The following LARGE1 variants were observed in gnomAD, a reference collection of about 807,000 sequenced individuals.
The protein encoded by LARGE1 is xylosyl- and glucuronyltransferase LARGE1.
In LARGE1, 43 loss-of-function variants were observed where a neutral mutation model predicts 87.6. The ratio of observed to expected loss-of-function variants is 0.49; its 90% confidence interval spans 0.38 to 0.63. The LOEUF is 0.63. Among genes scored for constraint, LARGE1 ranks in the 30% least tolerant of loss-of-function variants. The pLI is 0.00. For missense variants in LARGE1, 802 were observed against 1,000.2 expected, an observed-to-expected ratio of 0.80 and a Z score of 2.67; for synonymous variants, 434 against 394.6, an observed-to-expected ratio of 1.10 and a Z score of -1.18.
rs1311754777 is a variant in LARGE1 at position 33,458,353 on chromosome 22, CTT to C, written c.788-26090_788-26089del. On this transcript the variant is annotated intron_variant, in intron 6 of 14. Transcript: ENST00000397394. ...TCTCCTGACCTCATGATCCGCCCGC[CTT>C]GGCCTCCCAAAGTGCTGGGATTACA... Among the ~76,000 whole-genome samples the C allele has an allele frequency of 2.0e-4, 31 of 152,296 alleles. No individual in the cohort carries two copies. In the East Asian group the frequency reaches 5.6e-3, roughly 28 times the overall value.
In LARGE1 at chr22:33,754,583, G is replaced by A. The variant is rs139125822; in HGVS notation, c.106+6788C>T. Among the ~76,000 whole-genome samples, 180 of 152,188 alleles carry A rather than the reference G, an allele frequency of 1.2e-3. 6 individuals carry two copies. In the East Asian group the frequency reaches 0.032, roughly 27 times the overall value. ...GATCTCCTGACCTTGTGATCTGCCC[G>A]CCTCAGCCTCCCAAAGTGCTGGGAT... On this transcript the variant is annotated intron_variant, in intron 2 of 14. Coordinates refer to ENST00000397394, the MANE Select transcript of LARGE1 (RefSeq NM_133642.5).
In LARGE1 at chr22:33,283,085, C is replaced by T. The variant is rs539878007; in HGVS notation, c.1877+117G>A. ...CTGGAGAAAGCGGTGCTTTCCTGGC[C>T]TCACAATGGACTAAGGCGAGCGACA... On this transcript the variant is annotated intron_variant, in intron 13 of 14. Coordinates refer to ENST00000397394, the MANE Select transcript of LARGE1 (RefSeq NM_133642.5). 3.1e-6 allele frequency: 4 copies of T among 1,310,112 alleles called. No individual in the cohort carries two copies. The South Asian group carries it at 4.7e-5, about 15-fold the overall frequency. 81.2% of individuals were successfully genotyped at this position (1,310,112 alleles called of 1,614,324 possible).
At chr22:33,599,600 C>A (rs1389246925) in intron 5 of LARGE1, among the ~76,000 whole-genome samples, 1 of 152,192 alleles carries the variant, frequency 6.6e-6, no homozygotes, top group Non-Finnish European at 1.5e-5. Flanking sequence ...GTGTACCAGT[C>A]CACTGCGAAT....
intron 7 of LARGE1, among the ~76,000 whole-genome samples, chr22:33,385,467 G>T (rs2065290225): frequency 7.5e-6 from 1 of 133,638 alleles, no homozygotes; most frequent in Admixed American, 7.8e-5. Flanking sequence ...GGTGGAGGTT[G>T]CAGTGAGCTG....
Position 33,432,258 on chromosome 22 carries a change from T to C in LARGE1, c.795A>G (p.Gln265=). 2 of 1,613,774 alleles carry C rather than the reference T, an allele frequency of 1.2e-6. No homozygotes were observed. Among genetic ancestry groups the C allele is most frequent in the Middle Eastern group, 3.3e-4 (2 of 6,062 alleles). ...TCTGGTTCTCCACCAAGCCCAGGAC[T>C]TGCTGACCTGTGAGGTACAGAGAAT... ...WAVFHKFKGQ[Q]VLGLVENQSD... Residue 265 remains glutamine (Q), a synonymous_variant, in exon 7 of 15, where the codon CAA becomes CAG. Coordinates refer to ENST00000397394, the MANE Select transcript of LARGE1 (RefSeq NM_133642.5).
At position 33,314,127 on chromosome 22, in the gene LARGE1, G is replaced by T. The variant is rs563077326; in HGVS notation, c.1451+1958C>A. ...CCAAGAAGGGACAGGGCTCGCCAGGGCCCTCACAGCAGGTCAAGCATGGAC... is the reference window on the plus strand; with the variant it reads ...CCAAGAAGGGACAGGGCTCGCCAGGTCCCTCACAGCAGGTCAAGCATGGAC... On this transcript the variant is annotated intron_variant, in intron 11 of 14. Coordinates refer to ENST00000397394, the MANE Select transcript of LARGE1 (RefSeq NM_133642.5). Among the ~76,000 whole-genome samples the T allele has an allele frequency of 1.3e-4, 20 of 152,264 alleles. No individual in the cohort carries two copies. The South Asian group carries it at 4.1e-3, about 32-fold the overall frequency.
chr22:33,129,887 G>C, the LARGE1 span, among the ~76,000 whole-genome samples: 1 of 152,196 alleles, frequency 6.6e-6, no homozygotes, highest in African/African-American at 2.4e-5. Context: ...TTGACACGTG[G>C]GGATTAAGGG....
intron 6 of LARGE1, among the ~76,000 whole-genome samples, chr22:33,527,734 C>T (rs2148549059): frequency 6.6e-6 from 1 of 152,214 alleles, no homozygotes; most frequent in East Asian, 1.9e-4. Context: ...TGACTGGCCC[C>T]TTGACCAGAA....
chr22:33,461,834 C>T (rs752480189), intron 6 of LARGE1, among the ~76,000 whole-genome samples: 1 of 151,952 alleles, frequency 6.6e-6, no homozygotes, highest in Non-Finnish European at 1.5e-5. Flanking sequence ...TGGAGAGGCC[C>T]ACATAGAGGA....
intron 2 of LARGE1, among the ~76,000 whole-genome samples, chr22:33,709,711 C>T (rs1426197476): frequency 1.3e-5 from 2 of 151,518 alleles, no homozygotes; most frequent in African/African-American, 4.9e-5. Context: ...CTGCAAGCTC[C>T]ACCTCCCGGG....
Position 33,878,154 on chromosome 22 carries a change from T to TA in LARGE1, c.-83+41840dup, listed in dbSNP as rs1555887751. Among the ~76,000 whole-genome samples, 13 of 136,032 alleles carry TA rather than the reference T, an allele frequency of 9.6e-5. 1 individual carries two copies. The highest frequency in any genetic ancestry group is 6.6e-4 in the East Asian group (3 of 4,572). 89.2% of individuals were successfully genotyped at this position (136,032 alleles called of 152,430 possible). Reference sequence around the variant, plus strand: ...CTTTTTTTTTTTTTTTTTTTTTTTTTAGAGACAGAGCCTTGCTCTGTTGCC... The same window carrying TA: ...CTTTTTTTTTTTTTTTTTTTTTTTTTAAGAGACAGAGCCTTGCTCTGTTGCC... On this transcript the variant is annotated intron_variant, in intron 1 of 14. Transcript: ENST00000397394.
At chr22:33,584,639 C>T (rs1169110702) in intron 5 of LARGE1, among the ~76,000 whole-genome samples, 3 of 151,580 alleles carry the variant, frequency 2.0e-5, no homozygotes, top group African/African-American at 7.3e-5. Context: ...GAGTTAACAT[C>T]AGGTTTTCCA....
intron 6 of LARGE1, among the ~76,000 whole-genome samples, chr22:33,442,633 T>G (rs1354059236): frequency 6.6e-6 from 1 of 152,166 alleles, no homozygotes; most frequent in Non-Finnish European, 1.5e-5. Context: ...ATGTCAGTGA[T>G]GAGTTTTCTC....
intron 2 of LARGE1, among the ~76,000 whole-genome samples, chr22:33,703,781 G>T (rs1481320047): frequency 6.6e-6 from 1 of 152,246 alleles, no homozygotes; most frequent in African/African-American, 2.4e-5. Flanking sequence ...CTTTAGTCCA[G>T]TGAGACTGAT....
chr22:33,841,630 C>A (rs1293822402), intron 1 of LARGE1, among the ~76,000 whole-genome samples: 1 of 152,216 alleles, frequency 6.6e-6, no homozygotes, highest in Non-Finnish European at 1.5e-5. Context: ...GGTCATGAAA[C>A]CACCTCTAAG....
intron 6 of LARGE1, among the ~76,000 whole-genome samples, chr22:33,490,224 G>A (rs958661742): frequency 2.0e-5 from 3 of 152,152 alleles, no homozygotes; most frequent in Non-Finnish European, 4.4e-5. Context: ...CATTACTAAA[G>A]GGCTGGGACT....
At chr22:33,772,161 G>A (rs575577403) in intron 1 of LARGE1, among the ~76,000 whole-genome samples, 2 of 152,164 alleles carry the variant, frequency 1.3e-5, no homozygotes, top group East Asian at 3.9e-4. Flanking sequence ...GTGAAACCCC[G>A]TCTCTACTAA....
intron 4 of LARGE1, among the ~76,000 whole-genome samples, chr22:33,610,338 G>A (rs1181739492): frequency 1.3e-5 from 2 of 152,214 alleles, no homozygotes; most frequent in African/African-American, 4.8e-5. Flanking sequence ...AGTCCAGTCT[G>A]ACAAGTTCTC....
intron 9 of LARGE1, among the ~76,000 whole-genome samples, chr22:33,358,931 G>C (rs1251379483): frequency 6.6e-6 from 1 of 151,820 alleles, no homozygotes; most frequent in Non-Finnish European, 1.5e-5. Context: ...CCGGGAGGTG[G>C]AGCTTGAAGT....
Sources: allele counts gnomAD v4.1 joint callset (sites outside exome capture counted in the v4.1 genomes callset), GRCh38; gene constraint gnomAD v4.1.1; transcripts MANE v1.5; gene names NCBI Gene and HGNC (gene_info 2026-07-23, HGNC 2026-07-21).